The following MAGI2 variants were observed in gnomAD, a reference collection of about 807,000 sequenced individuals.
MAGI2 encodes membrane associated guanylate kinase, WW and PDZ domain containing 2, also known as membrane-associated guanylate kinase, WW and PDZ domain-containing protein 2.
Under a neutral mutation model 133.3 loss-of-function variants are expected in MAGI2, and 35 were observed. The ratio of observed to expected loss-of-function variants is 0.26; its 90% CI spans 0.20 to 0.35. MAGI2 has a LOEUF of 0.35. MAGI2 is among the 10% of genes least tolerant of loss of function. The pLI, the probability that MAGI2 is intolerant of heterozygous loss-of-function variation, is 1.00. For synonymous variants in MAGI2, 729 were observed against 710.6 expected (o/e 1.03, Z -0.41); for missense variants, 1,636 against 1,863.4 (o/e 0.88, Z 2.25).
At chr7:78,870,155 G>A (rs1193490282) in intron 2 of MAGI2, among the ~76,000 whole-genome samples, 1 of 151,874 alleles carries the variant, frequency 6.6e-6, no homozygotes, top group African/African-American at 2.4e-5. Flanking sequence ...AAATGGCTGA[G>A]CCTGGGCAAC....
chr7:78,784,699 C>T (rs1033005946), intron 2 of MAGI2, among the ~76,000 whole-genome samples: 1 of 152,202 alleles, frequency 6.6e-6, no homozygotes. Context: ...TGTCCAATCA[C>T]ATTTCTACAT....
At chr7:78,691,094 C>A (rs1253835642) in intron 2 of MAGI2, among the ~76,000 whole-genome samples, 1 of 152,190 alleles carries the variant, frequency 6.6e-6, no homozygotes, top group African/African-American at 2.4e-5. Context: ...ACCTCTGTGA[C>A]TTCTCACATG....
chr7:78,276,178 C>T (rs181594386), intron 9 of MAGI2, among the ~76,000 whole-genome samples: 77 of 152,194 alleles, frequency 5.1e-4, no homozygotes, highest in South Asian at 4.4e-3. Flanking sequence ...GTCTGCTAGT[C>T]GATCTTTCAA....
At chr7:79,199,973 A>G (rs17152051) in intron 1 of MAGI2, among the ~76,000 whole-genome samples, 4,090 of 151,970 alleles carry the variant, frequency 0.027, 82 homozygotes, top group East Asian at 0.04. Context: ...TAATTCTTAG[A>G]CTACACAATT....
intron 20 of MAGI2, among the ~76,000 whole-genome samples, chr7:78,088,425 T>G (rs1249665844): frequency 1.3e-5 from 2 of 152,194 alleles, no homozygotes; most frequent in African/African-American, 2.4e-5. Flanking sequence ...TGAATGAGCA[T>G]GAAAAGGTAC....
At chr7:78,466,152 G>T (rs1384425513) in intron 6 of MAGI2, among the ~76,000 whole-genome samples, 1 of 152,066 alleles carries the variant, frequency 6.6e-6, no homozygotes, top group Non-Finnish European at 1.5e-5. Context: ...CCATTTTCCT[G>T]ACTGCTTTCT....
At chr7:79,042,505 T>A (rs918374902) in intron 1 of MAGI2, among the ~76,000 whole-genome samples, 1 of 152,152 alleles carries the variant, frequency 6.6e-6, no homozygotes, top group Admixed American at 6.5e-5. Context: ...GACTTTCAAG[T>A]AGGGCATTTA....
chr7:78,312,021 G>C (rs1449991886), intron 9 of MAGI2, among the ~76,000 whole-genome samples: 1 of 151,892 alleles, frequency 6.6e-6, no homozygotes, highest in African/African-American at 2.4e-5. Context: ...TCTGCCGGCC[G>C]GCCTCCCAAA....
intron 2 of MAGI2, among the ~76,000 whole-genome samples, chr7:78,967,519 A>G (rs777347052): frequency 5.9e-4 from 90 of 151,986 alleles, no homozygotes; most frequent in Non-Finnish European, 1.1e-3. Flanking sequence ...AATCATTGCC[A>G]AGACCAATGC....
chr7:78,175,425 A>C (rs1168335037), intron 14 of MAGI2, among the ~76,000 whole-genome samples: 1 of 152,126 alleles, frequency 6.6e-6, no homozygotes, highest in Non-Finnish European at 1.5e-5. Context: ...TGGAGACTCC[A>C]TCTGTCCTAG....
intron 2 of MAGI2, among the ~76,000 whole-genome samples, chr7:78,732,432 G>T (rs1263646816): frequency 2.6e-5 from 4 of 152,050 alleles, no homozygotes; most frequent in Non-Finnish European, 5.9e-5. Flanking sequence ...TTTGTGATGG[G>T]TCTCCTCATC....
chr7:78,998,612 T>C (rs1231286603), intron 2 of MAGI2, among the ~76,000 whole-genome samples: 3 of 152,174 alleles, frequency 2.0e-5, no homozygotes, highest in African/African-American at 7.2e-5. Flanking sequence ...AATGTGTAAA[T>C]AACTTGGACA....
chr7:79,020,451 C>A (rs1268454737), intron 1 of MAGI2, among the ~76,000 whole-genome samples: 1 of 152,052 alleles, frequency 6.6e-6, no homozygotes, highest in Non-Finnish European at 1.5e-5. Context: ...GAAATTCAAG[C>A]CTGCTGCAGA....
Position 78,284,005 on chromosome 7 carries a change from CACA to C in MAGI2, c.1409-27427_1409-27425del, listed in dbSNP as rs958620652. Among the ~76,000 whole-genome samples the C allele has an allele frequency of 2.6e-5, 4 of 152,094 alleles. No homozygotes were observed. The South Asian group carries it at 6.2e-4, about 24-fold the overall frequency. On this transcript the variant is annotated intron_variant, in intron 9 of 21. Coordinates refer to ENST00000354212, the MANE Select transcript of MAGI2 (RefSeq NM_012301.4). ...CACTTAAGGATAAGCAGGTGTTTAA[CACA>C]ACATTAAATAAATGCCTCAGTACCA...
chr7:79,061,429 A>G (rs1330687472), intron 1 of MAGI2, among the ~76,000 whole-genome samples: 2 of 151,922 alleles, frequency 1.3e-5, no homozygotes, highest in Admixed American at 6.6e-5. Context: ...GCTGTCGGAG[A>G]TATTTAGAGG....
At chr7:78,811,370 AAATG>A (rs1380815613) in intron 2 of MAGI2, among the ~76,000 whole-genome samples, 1 of 151,996 alleles carries the variant, frequency 6.6e-6, no homozygotes, top group Non-Finnish European at 1.5e-5. Context: ...TTTGTAACAT[AAATG>A]AATAAACTCT....
chr7:78,333,606 A>C (rs1789453867), intron 9 of MAGI2, among the ~76,000 whole-genome samples: 1 of 152,242 alleles, frequency 6.6e-6, no homozygotes, highest in Non-Finnish European at 1.5e-5. Flanking sequence ...TGCAGGATCC[A>C]GCCTAGGCCT....
intron 1 of MAGI2, among the ~76,000 whole-genome samples, chr7:79,339,553 T>G (rs1257094141): frequency 4.0e-5 from 6 of 151,650 alleles, no homozygotes; most frequent in Non-Finnish European, 8.8e-5. Flanking sequence ...TGCCAGGGCA[T>G]ATACAATTTA....
chr7:79,017,016 T>A (rs1273876300), intron 1 of MAGI2, among the ~76,000 whole-genome samples: 1 of 152,264 alleles, frequency 6.6e-6, no homozygotes, highest in Non-Finnish European at 1.5e-5. Context: ...CTGCCAACAC[T>A]GCTGTTGCAA....
Sources: allele counts gnomAD v4.1 joint callset (sites outside exome capture counted in the v4.1 genomes callset), GRCh38; gene constraint gnomAD v4.1.1; transcripts MANE v1.5; gene names NCBI Gene and HGNC (gene_info 2026-07-23, HGNC 2026-07-21).